SMPDL3B: variants seen among roughly 807,000 people sequenced by gnomAD.
SMPDL3B encodes acid sphingomyelinase-like phosphodiesterase 3b.
A neutral mutation model predicts 37.9 loss-of-function variants in SMPDL3B; 31 were observed. That is an observed-to-expected ratio of 0.82 (90% CI 0.61 to 1.10). The LOEUF is 1.10. Among genes scored for constraint, SMPDL3B ranks in the 50% least tolerant of loss-of-function variants. SMPDL3B has a pLI of 0.00. For missense variants in SMPDL3B, 525 were observed against 597.8 expected (o/e 0.88, Z 1.27); for synonymous variants, 235 against 242.6 (o/e 0.97, Z 0.29).
At chr1:27,939,012 C>G (rs1479476320) in intron 1 of SMPDL3B, 1 of 152,228 alleles carries the variant, frequency 6.6e-6, no homozygotes, top group African/African-American at 2.4e-5. Flanking sequence ...ATATAGTGCA[C>G]TGTGATCATT....
chr1:27,937,042 AC>A (rs1279335326), intron 1 of SMPDL3B, among the ~76,000 whole-genome samples: 2 of 149,752 alleles, frequency 1.3e-5, no homozygotes, highest in African/African-American at 4.9e-5. Flanking sequence ...AAACAAACAA[AC>A]AACAACAAAA....
intron 2 of SMPDL3B, among the ~76,000 whole-genome samples, chr1:27,947,645 GTTTT>G (rs1181924392): frequency 1.2e-5 from 1 of 84,800 alleles, no homozygotes; most frequent in East Asian, 5.1e-4. Flanking sequence ...GAAATTAGGT[GTTTT>G]TTTGTTTTTT....
At position 27,955,777 on chromosome 1, in the gene SMPDL3B, G is replaced by A. The variant is rs758808336; in HGVS notation, c.784G>A (p.Val262Met). 12 of 1,614,024 alleles carry A rather than the reference G, an allele frequency of 7.4e-6. No homozygotes were observed. The highest frequency in any genetic ancestry group is 9.3e-6 in the Non-Finnish European group (11 of 1,180,042). Reference protein sequence around the residue: ...REGFNEKYLKVVRKHHRVIAG... With the variant: ...REGFNEKYLKMVRKHHRVIAG... ...GGGCTTCAATGAAAAATACCTGAAGGTGGTCCGGAAGCATCATCGCGTCAT... is the reference window on the plus strand; with the variant it reads ...GGGCTTCAATGAAAAATACCTGAAGATGGTCCGGAAGCATCATCGCGTCAT... The change falls in exon 6 of 8, where the codon GTG (valine) becomes ATG (methionine). Residue 262 changes from valine to methionine, a missense_variant. Physicochemically the swap from Val to Met is conservative, Grantham distance 21. Coordinates refer to ENST00000373894, the MANE Select transcript of SMPDL3B (RefSeq NM_014474.4).
rs1028204509 is a variant in SMPDL3B, at chr1:27,956,446, C to T, written c.1005+364C>T. 8.7e-6 allele frequency: 11 copies of T among 1,268,556 alleles called. No individual in the cohort carries two copies. The African/African-American group carries it at 1.2e-4, about 14-fold the overall frequency. 78.6% of individuals were successfully genotyped at this position (1,268,556 alleles called of 1,614,324 possible). A position where few individuals can be genotyped will look rare whatever the true frequency, so the allele number is the denominator to read the frequency against. ...AAAAACCTTCAGTGGCTCCCCAGTG[C>T]CTTCAAGATAAAGTTGTGTCTCCTT... On this transcript the variant is annotated intron_variant, in intron 7 of 7. Coordinates refer to ENST00000373894, the MANE Select transcript of SMPDL3B (RefSeq NM_014474.4).
chr1:27,938,664 C>G (rs958245658), intron 1 of SMPDL3B, among the ~76,000 whole-genome samples: 3 of 152,184 alleles, frequency 2.0e-5, no homozygotes, highest in African/African-American at 7.2e-5. Context: ...TATGATGGGG[C>G]GAAAGCCTTA....
At position 27,946,601 on chromosome 1, in the gene SMPDL3B, C is replaced by T. The variant is rs1260946542; in HGVS notation, c.275+1156C>T. Among the ~76,000 whole-genome samples, 3 of 152,144 alleles carry T rather than the reference C, an allele frequency of 2.0e-5. No homozygotes were observed. The East Asian group carries it at 5.8e-4, about 29-fold the overall frequency. The stretch of plus-strand genomic sequence containing the variant: ...GGGGATGTGGGAACTTCACAGGGCA[C>T]ATGATCCCATCTGGCAGGATTAGGG... On this transcript the variant is annotated intron_variant, in intron 2 of 7. Transcript: ENST00000373894.
At chr1:27,950,074 A>C (rs1364838799) in intron 3 of SMPDL3B, among the ~76,000 whole-genome samples, 1 of 152,164 alleles carries the variant, frequency 6.6e-6, no homozygotes, top group African/African-American at 2.4e-5. Context: ...AGGGTTAAAT[A>C]AACTAGTGAA....
In SMPDL3B at chr1:27,945,494, T is replaced by TA; in HGVS notation, c.275+49_275+50insA. On this transcript the variant is annotated intron_variant, in intron 2 of 7. Coordinates refer to ENST00000373894, the MANE Select transcript of SMPDL3B (RefSeq NM_014474.4). The surrounding 1 kb of genome is among the most constrained non-coding windows in gnomAD (Gnocchi z 4.0). The stretch of plus-strand genomic sequence containing the variant: ...TACCCTTTGCCAGGCATCTGCTATG[T>TA]GCTACATACCAGTCTGGCCCTTTGC... 2 of 1,451,494 alleles carry TA rather than the reference T, an allele frequency of 1.4e-6. No individual in the cohort carries two copies. Among genetic ancestry groups the TA allele is most frequent in the Non-Finnish European group, 1.9e-6 (2 of 1,035,684 alleles). The allele number at this position is 1,451,494 out of a possible 1,614,324, so 89.9% of individuals were successfully genotyped here. A position where few individuals can be genotyped will look rare whatever the true frequency, so the allele number is the denominator to read the frequency against.
intron 3 of SMPDL3B, 76 bp downstream of exon 3, chr1:27,949,238 G>A: frequency 6.9e-7 from 1 of 1,458,264 alleles, no homozygotes; most frequent in Non-Finnish European, 9.6e-7. Flanking sequence ...GACAACAGCA[G>A]CAGCGAGTGT....
In SMPDL3B at chr1:27,958,402, C is replaced by A; in HGVS notation, c.1006-74C>A. The A allele has an allele frequency of 6.6e-7, 1 of 1,522,470 alleles. No individual in the cohort carries two copies. Among genetic ancestry groups the A allele is most frequent in the East Asian group, 2.3e-5 (1 of 43,910 alleles). 94.3% of individuals were successfully genotyped at this position (1,522,470 alleles called of 1,614,324 possible). A position where few individuals can be genotyped will look rare whatever the true frequency, so the allele number is the denominator to read the frequency against. ...GTCACTGCTCTAAAGAACTTGGGGG[C>A]AAATGCAAGGTGCAGGATGGGGATG... On this transcript the variant is annotated intron_variant, in intron 7 of 7. Coordinates refer to ENST00000373894, the MANE Select transcript of SMPDL3B (RefSeq NM_014474.4). The surrounding 1 kb of genome is among the most constrained non-coding windows in gnomAD (Gnocchi z 5.6).
chr1:27,940,286 G>A (rs568152688), intron 1 of SMPDL3B, among the ~76,000 whole-genome samples: 3 of 152,124 alleles, frequency 2.0e-5, no homozygotes. Context: ...TGCCTGCCCT[G>A]CCCCTGCACT....
At chr1:27,943,807 C>T (rs1445419756) in intron 1 of SMPDL3B, among the ~76,000 whole-genome samples, 1 of 151,568 alleles carries the variant, frequency 6.6e-6, no homozygotes, top group Non-Finnish European at 1.5e-5. Context: ...TGAGACCAGC[C>T]TGGCTAACAT....
chr1:27,958,914 C>T lies in SMPDL3B; in HGVS notation c.*76C>T, dbSNP rs2148683472. On this transcript the variant is annotated 3_prime_UTR_variant, in exon 8 of 8. Transcript: ENST00000373894. The surrounding 1 kb of genome is among the most constrained non-coding windows in gnomAD (Gnocchi z 5.6). ...GGATCACCCAGAGCTGGGCCTTCCA[C>T]CATTTCCTCCGCGCCTGAGGAGTGA... 2 of 1,439,238 alleles carry T rather than the reference C, an allele frequency of 1.4e-6. No individual in the cohort carries two copies. Among genetic ancestry groups the T allele is most frequent in the East Asian group, 2.5e-5 (1 of 39,976 alleles). 89.2% of individuals were successfully genotyped at this position (1,439,238 alleles called of 1,614,324 possible). A position where few individuals can be genotyped will look rare whatever the true frequency, so the allele number is the denominator to read the frequency against.
intron 1 of SMPDL3B, chr1:27,939,029 C>T (rs1167814894): frequency 6.6e-6 from 1 of 152,212 alleles, no homozygotes; most frequent in African/African-American, 2.4e-5. Context: ...CATTTCCATT[C>T]TGACGTGCTC....
Position 27,953,281 on chromosome 1 carries a change from G to A in SMPDL3B, c.440G>A (p.Ser147Asn), listed in dbSNP as rs565524752. The A allele has an allele frequency of 9.9e-6, 16 of 1,613,694 alleles. No homozygotes were observed. Among genetic ancestry groups the A allele is most frequent in the Non-Finnish European group, 1.2e-5 (14 of 1,179,572 alleles). Residue 147 changes from serine (S) to asparagine (N), a missense_variant, in exon 4 of 8, where the codon AGT becomes AAT. Transcript: ENST00000373894. ...CCCAAAAACCAGTTCCCAGCTGGAA[G>A]TAACAACATCTACAATCAGATAGCA... ...FHPKNQFPAG[S>N]NNIYNQIAEL...
Position 27,953,266 on chromosome 1 carries a change from A to T in SMPDL3B, c.425A>T (p.Gln142Leu). ...LGNHDFHPKN[Q>L]FPAGSNNIYN... ...AATCATGATTTTCACCCCAAAAACC[A>T]GTTCCCAGCTGGAAGTAACAACATC... Residue 142 changes from glutamine to leucine, a missense_variant, in exon 4 of 8, where the codon CAG becomes CTG. Physicochemically the swap from Gln to Leu is moderately radical, Grantham distance 113. Transcript: ENST00000373894. 1.2e-6 allele frequency: 2 copies of T among 1,613,744 alleles called. No homozygotes were observed. The highest frequency in any genetic ancestry group is 1.7e-6 in the Non-Finnish European group (2 of 1,179,650).
Position 27,958,462 on chromosome 1 carries a change from A to G in SMPDL3B, c.1006-14A>G. ...AACTGCTCACAGCCGGTCTACCCCA[A>G]ACCCTTTTTCCAGGACATGGTGACC... On this transcript the variant is annotated splice_polypyrimidine_tract_variant and intron_variant, in intron 7 of 7. Coordinates refer to ENST00000373894, the MANE Select transcript of SMPDL3B (RefSeq NM_014474.4). This position sits in a 1 kb window ranked among gnomAD's most constrained non-coding sequence, Gnocchi z 5.6. 1 of 1,590,474 alleles carries G rather than the reference A, an allele frequency of 6.3e-7. No homozygotes were observed. Among genetic ancestry groups the G allele is most frequent in the South Asian group, 1.1e-5 (1 of 89,276 alleles).
At chr1:27,952,010 A>G (rs1034861722) in intron 3 of SMPDL3B, among the ~76,000 whole-genome samples, 13 of 152,164 alleles carry the variant, frequency 8.5e-5, no homozygotes, top group African/African-American at 3.1e-4. Flanking sequence ...ACAAATAGTT[A>G]TTGAGCATCC....
In SMPDL3B at chr1:27,955,919, C is replaced by T. The variant is rs75377410; in HGVS notation, c.872-30C>T. On this transcript the variant is annotated intron_variant, in intron 6 of 7. Transcript: ENST00000373894. ...CCCTCCCTCCTTCTCTCCCCAGACCCGCTCAGTCCTGCTGTCTCTCTCCTG... is the reference window on the plus strand; with the variant it reads ...CCCTCCCTCCTTCTCTCCCCAGACCTGCTCAGTCCTGCTGTCTCTCTCCTG... The T allele has an allele frequency of 2.4e-3, 3,811 of 1,613,192 alleles. 92 individuals carry two copies. The African/African-American group carries it at 0.044, about 19-fold the overall frequency.
Sources: gnomAD v4.1 joint callset for allele counts (sites outside exome capture counted in the v4.1 genomes callset) on GRCh38, gnomAD v4.1.1 for gene constraint, Gnocchi (gnomAD v3.1) non-coding constraint, MANE v1.5 for transcripts, NCBI Gene and HGNC (gene_info 2026-07-23, HGNC 2026-07-21) for gene names.